TANGO2: variants seen among roughly 807,000 people sequenced by gnomAD.
TANGO2 encodes transport and golgi organization 2 homolog.
In TANGO2, 26 loss-of-function variants were observed where a neutral mutation model predicts 39.1. That is an observed-to-expected ratio of 0.67 (90% confidence interval 0.49 to 0.92). The LOEUF (loss-of-function observed/expected upper bound fraction) is 0.92, where lower values mean the gene tolerates loss of function less well. Among genes scored for constraint, TANGO2 ranks in the 40% least tolerant of loss-of-function variants. The pLI is 0.00. For missense variants in TANGO2, 326 were observed against 360.1 expected (o/e 0.91, Z 0.77); for synonymous variants, 131 against 144.5 (o/e 0.91, Z 0.67).
At chr22:20,056,882 G>T (rs773258460) in intron 6 of TANGO2, 1 of 456,600 alleles carries the variant, frequency 2.2e-6, no homozygotes, top group East Asian at 7.0e-5. Context: ...TGCCTTAAAC[G>T]CCCGCTCTGG....
intron 7 of TANGO2, chr22:20,063,073 T>C (rs1602413840): frequency 2.5e-6 from 1 of 403,018 alleles, no homozygotes; most frequent in East Asian, 4.0e-5. Context: ...GGAGAATTGC[T>C]TGAACTCGGG....
At chr22:20,031,152 C>T (rs1264463150) in intron 1 of TANGO2, among the ~76,000 whole-genome samples, 5 of 151,778 alleles carry the variant, frequency 3.3e-5, no homozygotes, top group South Asian at 2.1e-4. Context: ...GAGCTGAGAT[C>T]GCGCCGCTGC....
chr22:20,051,260 G>A (rs1036698749), intron 3 of TANGO2, among the ~76,000 whole-genome samples: 2 of 151,768 alleles, frequency 1.3e-5, no homozygotes, highest in Non-Finnish European at 2.9e-5. Context: ...GGCCAGGCAC[G>A]GTGGCTCACA....
chr22:20,060,657 T>G (rs1429302633), intron 6 of TANGO2, among the ~76,000 whole-genome samples: 1 of 152,126 alleles, frequency 6.6e-6, no homozygotes, highest in Non-Finnish European at 1.5e-5. Flanking sequence ...TTGTTCATGA[T>G]GGAAAAAGCA....
At position 20,046,810 on chromosome 22, in the gene TANGO2, G is replaced by C. The variant is rs1485996155; in HGVS notation, c.145+3367G>C. 2.6e-5 allele frequency among the ~76,000 whole-genome samples: 4 copies of C among 152,036 alleles called. 1 individual carries two copies. The highest frequency in any genetic ancestry group is 5.9e-5 in the Non-Finnish European group (4 of 68,010). On this transcript the variant is annotated intron_variant, in intron 3 of 8. Coordinates refer to ENST00000327374, the MANE Select transcript of TANGO2 (RefSeq NM_152906.7). ...CTATCCTTCCCCCAGCCCAATTTTT[G>C]TATTTTTAGTAGAGATGGGGTTTCA...
intron 7 of TANGO2, 66 bp downstream of exon 7, chr22:20,061,749 G>A (rs1328592422): frequency 4.8e-6 from 7 of 1,471,702 alleles, no homozygotes; most frequent in Non-Finnish European, 6.3e-6. Context: ...GGAAAGGCAG[G>A]CCCTGCTGCC....
At chr22:20,033,848 C>G (rs2042333846) in intron 1 of TANGO2, among the ~76,000 whole-genome samples, 2 of 152,248 alleles carry the variant, frequency 1.3e-5, no homozygotes. Context: ...CCTGATTGCT[C>G]TTAAACCCAC....
At chr22:20,026,911 G>C (rs1007496730) in intron 1 of TANGO2, among the ~76,000 whole-genome samples, 1 of 152,160 alleles carries the variant, frequency 6.6e-6, no homozygotes, top group East Asian at 1.9e-4. Flanking sequence ...TCCACCTCTT[G>C]CGTCTATCCT....
chr22:20,033,570 C>T (rs2146985119), intron 1 of TANGO2, among the ~76,000 whole-genome samples: 1 of 152,366 alleles, frequency 6.6e-6, no homozygotes, highest in South Asian at 2.1e-4. Flanking sequence ...GAGCATGTCC[C>T]TGGTGAGCAG....
intron 1 of TANGO2, among the ~76,000 whole-genome samples, chr22:20,025,295 T>G (rs895069351): frequency 3.3e-5 from 5 of 151,584 alleles, no homozygotes; most frequent in African/African-American, 1.2e-4. Context: ...GTTTCACCAT[T>G]TTAGCCAGGC....
intron 3 of TANGO2, among the ~76,000 whole-genome samples, chr22:20,049,109 T>G (rs2045807391): frequency 6.6e-6 from 1 of 152,176 alleles, no homozygotes; most frequent in Admixed American, 6.5e-5. Context: ...TGGTCTATGA[T>G]TTATCTCAAG....
chr22:20,041,869 C>T (rs982332498), intron 2 of TANGO2, among the ~76,000 whole-genome samples: 6 of 149,074 alleles, frequency 4.0e-5, no homozygotes, highest in African/African-American at 9.7e-5. Context: ...AAACACTTGT[C>T]GGGCTCTCAC....
intron 5 of TANGO2, 42 bp from the exon 6 acceptor site, chr22:20,055,901 C>T (rs376346260): frequency 2.6e-6 from 4 of 1,550,088 alleles, no homozygotes; most frequent in Admixed American, 1.7e-5. Flanking sequence ...GGGGAGGACG[C>T]CCTATGGCTG....
Position 20,065,707 on chromosome 22 carries a change from G to A in TANGO2, c.*1045G>A, listed in dbSNP as rs1384677831. On this transcript the variant is annotated 3_prime_UTR_variant, in exon 9 of 9. Transcript: ENST00000327374. ...ATTCAGTGCCCTTGAGTGTGCCAGA[G>A]GTCCTCTGTGTTTGAGACAATCCTG... 2.0e-5 allele frequency: 3 copies of A among 152,184 alleles called. No homozygotes were observed. Among genetic ancestry groups the A allele is most frequent in the African/African-American group, 7.2e-5 (3 of 41,410 alleles). The allele number at this position is 152,184 out of a possible 1,614,324, so 9.4% of individuals were successfully genotyped here.
chr22:20,038,289 T>C (rs1194746740), intron 2 of TANGO2, among the ~76,000 whole-genome samples: 2 of 152,150 alleles, frequency 1.3e-5, no homozygotes, highest in Admixed American at 1.3e-4. Flanking sequence ...GAGACAATAG[T>C]GTCTGTTGTT....
At chr22:20,026,647 CA>C (rs1260989076) in intron 1 of TANGO2, among the ~76,000 whole-genome samples, 5 of 152,284 alleles carry the variant, frequency 3.3e-5, no homozygotes, top group Non-Finnish European at 5.9e-5. Flanking sequence ...GCCCACATCA[CA>C]CCAGCTGCAC....
upstream of TANGO2, among the ~76,000 whole-genome samples, chr22:20,018,398 G>C (rs1430250976): frequency 6.6e-6 from 1 of 152,136 alleles, no homozygotes; most frequent in African/African-American, 2.4e-5. Flanking sequence ...CTGAGGGGTC[G>C]TTTCCTCCAT....
chr22:20,036,790 T>G lies in TANGO2; in HGVS notation c.-9T>G, dbSNP rs1394629698. 5 of 1,614,268 alleles carry G rather than the reference T, an allele frequency of 3.1e-6. No individual in the cohort carries two copies. The highest frequency in any genetic ancestry group is 4.2e-6 in the Non-Finnish European group (5 of 1,180,054). On this transcript the variant is annotated 5_prime_UTR_variant, in exon 2 of 9. Transcript: ENST00000327374. ...GCGACCTGTGTCAGCAGAGCCGCCC[T>G]GCACCACCATGTGCATCATCTTCTT...
intron 6 of TANGO2, chr22:20,056,489 G>A (rs776696142): frequency 9.4e-5 from 43 of 457,372 alleles, no homozygotes; most frequent in South Asian, 5.9e-4. Context: ...TCAGGGCCTC[G>A]AGCCCCTCTG....
Sources: allele counts gnomAD v4.1 joint callset (sites outside exome capture counted in the v4.1 genomes callset), GRCh38; gene constraint gnomAD v4.1.1; transcripts MANE v1.5; gene names NCBI Gene and HGNC (gene_info 2026-07-23, HGNC 2026-07-21).